The following GRID1 variants were observed in gnomAD, a reference collection of about 807,000 sequenced individuals.
GRID1 encodes glutamate receptor ionotropic, delta-1.
GRID1 carries 28 observed loss-of-function variants against 98.0 expected under a neutral mutation model. The ratio of observed to expected loss-of-function variants is 0.29; its 90% CI spans 0.21 to 0.39. GRID1 has a LOEUF of 0.39. GRID1 is among the 10% of genes least tolerant of loss of function. The pLI is 1.00. For synonymous variants in GRID1, 553 were observed against 538.5 expected (o/e 1.03, Z -0.37); for missense variants, 1,111 against 1,340.5 (o/e 0.83, Z 2.67).
At position 85,987,684 on chromosome 10, in the gene GRID1, C is replaced by T. The variant is rs1365208122; in HGVS notation, c.727-71445G>A. 8.6e-5 allele frequency among the ~76,000 whole-genome samples: 13 copies of T among 151,500 alleles called. 1 individual carries two copies. In the East Asian group the frequency reaches 2.5e-3, roughly 30 times the overall value. On this transcript the variant is annotated intron_variant, in intron 4 of 15. Transcript: ENST00000327946. ...CCTTCGTCCCTCTGGTCCTTGGCAC[C>T]TCCACTTCCTTCTTTCCAGAATCCA...
intron 2 of GRID1, among the ~76,000 whole-genome samples, chr10:86,349,680 C>T (rs1252459279): frequency 6.6e-6 from 1 of 152,206 alleles, no homozygotes; most frequent in East Asian, 1.9e-4. Flanking sequence ...GGCTGCTATA[C>T]ATGCAGCTGT....
intron 12 of GRID1, among the ~76,000 whole-genome samples, chr10:85,649,229 C>T (rs1335679430): frequency 6.6e-6 from 1 of 152,230 alleles, no homozygotes; most frequent in Non-Finnish European, 1.5e-5. Context: ...GAAGGCCCAG[C>T]TGTGGATGCC....
chr10:86,072,390 C>T (rs1843816937), intron 4 of GRID1, among the ~76,000 whole-genome samples: 1 of 152,178 alleles, frequency 6.6e-6, no homozygotes, highest in African/African-American at 2.4e-5. Flanking sequence ...AAGGCAATGT[C>T]CAGCCATTTT....
intron 2 of GRID1, 108 bp downstream of exon 2, chr10:86,363,833 A>T (rs1388137688): frequency 1.1e-6 from 1 of 922,490 alleles, no homozygotes; most frequent in Non-Finnish European, 1.6e-6. Context: ...CTGCCGAGGA[A>T]CAGAGGGTGC....
At chr10:86,040,510 TAA>T (rs3057696) in intron 4 of GRID1, among the ~76,000 whole-genome samples, 13 of 103,244 alleles carry the variant, frequency 1.3e-4, no homozygotes, top group Admixed American at 2.1e-4. Context: ...ACTCATATCT[TAA>T]AAAAAAAAAA....
chr10:86,028,521 G>C (rs1843145413), intron 4 of GRID1, among the ~76,000 whole-genome samples: 2 of 152,148 alleles, frequency 1.3e-5, no homozygotes, highest in Admixed American at 1.3e-4. Context: ...GAAATGATGA[G>C]AACTATCTTT....
intron 8 of GRID1, among the ~76,000 whole-genome samples, chr10:85,804,971 A>G (rs180762493): frequency 6.6e-6 from 1 of 151,890 alleles, no homozygotes; most frequent in Admixed American, 6.6e-5. Flanking sequence ...AAAAGAAAAG[A>G]AAATGAAGGA....
At chr10:85,802,974 G>T (rs779402616) in intron 8 of GRID1, among the ~76,000 whole-genome samples, 7 of 151,442 alleles carry the variant, frequency 4.6e-5, no homozygotes, top group Non-Finnish European at 7.4e-5. Context: ...ATTGGTACTA[G>T]CACTTCCACC....
At chr10:85,630,099 A>T (rs946702556) in intron 13 of GRID1, among the ~76,000 whole-genome samples, 1 of 152,228 alleles carries the variant, frequency 6.6e-6, no homozygotes. Flanking sequence ...CAACTCAACA[A>T]CAGCAACAAT....
chr10:86,305,816 T>C (rs1422098480), intron 2 of GRID1, among the ~76,000 whole-genome samples: 2 of 149,836 alleles, frequency 1.3e-5, no homozygotes, highest in Non-Finnish European at 3.0e-5. Flanking sequence ...TTGAGCACTT[T>C]CTATACTTTG....
In GRID1 at chr10:85,602,151, G is replaced by C; in HGVS notation, c.*122C>G. ...ATTTACACATATGTACAAGAAAAAT[G>C]AAAGAGTCTCTGTGTATGTGTGTGT... On this transcript the variant is annotated 3_prime_UTR_variant, in exon 16 of 16. Coordinates refer to ENST00000327946, the MANE Select transcript of GRID1 (RefSeq NM_017551.3). 1 of 570,102 alleles carries C rather than the reference G, an allele frequency of 1.8e-6. No homozygotes were observed. The highest frequency in any genetic ancestry group is 3.0e-6 in the Non-Finnish European group (1 of 331,916). 35.3% of individuals were successfully genotyped at this position (570,102 alleles called of 1,614,324 possible).
chr10:86,311,273 C>T (rs761147296), intron 2 of GRID1, among the ~76,000 whole-genome samples: 8 of 152,160 alleles, frequency 5.3e-5, no homozygotes, highest in Middle Eastern at 3.2e-3. Flanking sequence ...GACTGTCAGA[C>T]GTGAAAGGCC....
intron 8 of GRID1, among the ~76,000 whole-genome samples, chr10:85,739,848 CT>C (rs1202641252): frequency 6.6e-6 from 1 of 152,034 alleles, no homozygotes; most frequent in Non-Finnish European, 1.5e-5. Flanking sequence ...AAGCTTATTT[CT>C]TTTTGTGAGA....
intron 5 of GRID1, among the ~76,000 whole-genome samples, chr10:85,900,893 T>A (rs11815416): frequency 6.6e-6 from 1 of 151,946 alleles, no homozygotes; most frequent in Non-Finnish European, 1.5e-5. Flanking sequence ...AAGATAAGGA[T>A]CACTGAAGAA....
chr10:86,276,809 C>A (rs921262497), intron 2 of GRID1, among the ~76,000 whole-genome samples: 19 of 151,944 alleles, frequency 1.3e-4, no homozygotes, highest in African/African-American at 4.6e-4. Flanking sequence ...ATTCGACATC[C>A]AATTTGTCAT....
chr10:85,876,420 T>C (rs150317578), intron 5 of GRID1, among the ~76,000 whole-genome samples: 1 of 152,186 alleles, frequency 6.6e-6, no homozygotes, highest in African/African-American at 2.4e-5. Flanking sequence ...GTGTTCCTCT[T>C]ATAAAGATGC....
chr10:86,272,447 C>T lies in GRID1; in HGVS notation c.236-65799G>A, dbSNP rs1466699667. Among the ~76,000 whole-genome samples, 200 of 152,256 alleles carry T rather than the reference C, an allele frequency of 1.3e-3. 4 individuals are homozygous for T. Among genetic ancestry groups the T allele is most frequent in the East Asian group, 1.9e-4 (1 of 5,182 alleles). ...GCATGATGTTATGTTGAAGTGGTAC[C>T]ATCTTGAAGTGCCATCCCATGTTCC... is the stretch of plus-strand genomic sequence containing the variant. On this transcript the variant is annotated intron_variant, in intron 2 of 15. Coordinates refer to ENST00000327946, the MANE Select transcript of GRID1 (RefSeq NM_017551.3).
chr10:85,998,355 C>G (rs1423106772), intron 4 of GRID1, among the ~76,000 whole-genome samples: 1 of 151,832 alleles, frequency 6.6e-6, no homozygotes, highest in Non-Finnish European at 1.5e-5. Flanking sequence ...AAGAAAATAT[C>G]CGAACACTTG....
intron 12 of GRID1, among the ~76,000 whole-genome samples, chr10:85,673,192 G>A (rs1564555339): frequency 6.6e-6 from 1 of 152,232 alleles, no homozygotes; most frequent in Non-Finnish European, 1.5e-5. Context: ...TTGCTGCAAT[G>A]TCATGATCGA....
Sources: allele counts gnomAD v4.1 joint callset (sites outside exome capture counted in the v4.1 genomes callset), GRCh38; gene constraint gnomAD v4.1.1; transcripts MANE v1.5; gene names NCBI Gene and HGNC (gene_info 2026-07-23, HGNC 2026-07-21).